TTC19: variants seen among roughly 807,000 people sequenced by gnomAD.
TTC19 encodes the protein tetratricopeptide repeat protein 19, mitochondrial.
A neutral mutation model predicts 49.5 loss-of-function variants in TTC19; 38 were observed. The ratio of observed to expected loss-of-function variants is 0.77; its 90% confidence interval spans 0.59 to 1.01. The LOEUF (loss-of-function observed/expected upper bound fraction) is 1.01. Ranked by LOEUF, TTC19 falls within the 50% of genes least tolerant of loss-of-function variation. The probability of loss-of-function intolerance (pLI) is 0.00; values close to 1 mark genes in which losing one functional copy is unlikely to be tolerated. For missense variants in TTC19, 475 were observed against 477.7 expected, an observed-to-expected ratio of 0.99 and a Z score of 0.05; for synonymous variants, 204 against 185.2, an observed-to-expected ratio of 1.10 and a Z score of -0.83.
At chr17:16,024,994 G>A in intron 7 of TTC19, 23 bp from the exon 8 acceptor site, 1 of 1,613,376 alleles carries the variant, frequency 6.2e-7, no homozygotes, top group Non-Finnish European at 8.5e-7. Flanking sequence ...GGGTAGATTT[G>A]CTGATTCCTC....
chr17:16,001,665 G>C (rs970749811), intron 2 of TTC19, among the ~76,000 whole-genome samples: 1 of 152,218 alleles, frequency 6.6e-6, no homozygotes, highest in Non-Finnish European at 1.5e-5. Context: ...TATGTTGTAA[G>C]ATCACATTCC....
chr17:16,010,853 A>G (rs995477490), intron 7 of TTC19, among the ~76,000 whole-genome samples: 3 of 152,188 alleles, frequency 2.0e-5, no homozygotes, highest in African/African-American at 7.2e-5. Flanking sequence ...TTCCTAGTTC[A>G]TTATTTTCAG....
At chr17:16,039,492 G>T (rs1283451096) in intron 2 of TTC19, 3 of 1,614,058 alleles carry the variant, frequency 1.9e-6, no homozygotes, top group Non-Finnish European at 1.7e-6. Context: ...CACAACTGAG[G>T]TGTTGGCAGT....
chr17:16,003,512 A>G (rs1362850740), intron 4 of TTC19, among the ~76,000 whole-genome samples: 4 of 152,056 alleles, frequency 2.6e-5, no homozygotes, highest in African/African-American at 9.7e-5. Context: ...TCTGTAATCA[A>G]AAAGATGGAG....
chr17:16,017,470 AG>A (rs1971250839), intron 7 of TTC19, among the ~76,000 whole-genome samples: 1 of 143,312 alleles, frequency 7.0e-6, no homozygotes, highest in Non-Finnish European at 1.5e-5. Flanking sequence ...AAAAAAAAAA[AG>A]TATTCAGGCT....
intron 7 of TTC19, among the ~76,000 whole-genome samples, chr17:16,020,111 A>C (rs959038957): frequency 3.9e-5 from 6 of 152,188 alleles, no homozygotes; most frequent in African/African-American, 1.2e-4. Flanking sequence ...TTTGTCTCAA[A>C]AACAACAACA....
At position 16,026,653 on chromosome 17, in the gene TTC19, T is replaced by A. The variant is rs1347204367; in HGVS notation, c.945T>A (p.Pro315=). 12 of 1,614,184 alleles carry A rather than the reference T, an allele frequency of 7.4e-6. No individual in the cohort carries two copies. The highest frequency in any genetic ancestry group is 1.0e-5 in the Non-Finnish European group (12 of 1,180,000). The change falls in exon 9 of 10, where the codon CCT becomes CCA. Residue 315 remains proline, a synonymous_variant. Coordinates refer to ENST00000261647, the MANE Select transcript of TTC19 (RefSeq NM_017775.4). The stretch of plus-strand genomic sequence containing the variant: ...ATCTGGCAAGACAGATAAATCATCC[T>A]GAGCTACACATGGTACTCAGTAATC... ...ASDLARQINH[P]ELHMVLSNLA...
chr17:16,002,701 T>C, intron 3 of TTC19, 92 bp from the exon 4 acceptor site: 1 of 1,233,292 alleles, frequency 8.1e-7, no homozygotes, highest in South Asian at 1.2e-5. Context: ...TTTTTAAATT[T>C]TGAGGGTGAA....
chr17:16,018,365 T>C (rs973818055), intron 7 of TTC19, among the ~76,000 whole-genome samples: 3 of 152,184 alleles, frequency 2.0e-5, no homozygotes, highest in African/African-American at 4.8e-5. Flanking sequence ...GTCATTTACC[T>C]GTATGTTGAC....
intron 8 of TTC19, among the ~76,000 whole-genome samples, chr17:16,025,382 C>T (rs780976534): frequency 6.6e-6 from 1 of 152,186 alleles, no homozygotes; most frequent in Non-Finnish European, 1.5e-5. Context: ...TAGGTCTGCC[C>T]AGAACTTTTT....
downstream of TTC19, among the ~76,000 whole-genome samples, chr17:16,032,858 T>G (rs562229812): frequency 6.6e-6 from 1 of 152,312 alleles, no homozygotes; most frequent in Non-Finnish European, 1.5e-5. Context: ...AGTATAGTTC[T>G]CAGACGACAA....
chr17:16,038,637 C>T (rs886329521), intron 2 of TTC19, among the ~76,000 whole-genome samples: 7 of 152,088 alleles, frequency 4.6e-5, no homozygotes, highest in Non-Finnish European at 8.8e-5. Context: ...GGGTTTTCAT[C>T]ATGTTGCCCA....
Position 16,001,988 on chromosome 17 carries a change from C to G in TTC19, c.386C>G (p.Thr129Ser). 2 of 1,613,206 alleles carry G rather than the reference C, an allele frequency of 1.2e-6. No individual in the cohort carries two copies. The change falls in exon 3 of 10, where the codon ACT becomes AGT. Residue 129 changes from threonine to serine, a missense_variant. Coordinates refer to ENST00000261647, the MANE Select transcript of TTC19 (RefSeq NM_017775.4). ...LHDALRLAYQ[T>S]DNKKAITYTY... ...GACGCTCTTCGTCTCGCCTATCAGACTGATAACAAGAAGGCCATCACTTAC... is the reference window on the plus strand; with the variant it reads ...GACGCTCTTCGTCTCGCCTATCAGAGTGATAACAAGAAGGCCATCACTTAC...
At chr17:16,005,952 G>A (rs1234797251) in intron 6 of TTC19, among the ~76,000 whole-genome samples, 1 of 152,092 alleles carries the variant, frequency 6.6e-6, no homozygotes, top group Non-Finnish European at 1.5e-5. Flanking sequence ...CTAGCTTTTT[G>A]TGTCCTAAGT....
rs1200198225 is a variant in TTC19, at chr17:16,028,788, T to C, written c.*1266T>C. The C allele has an allele frequency of 2.4e-6, 1 of 413,268 alleles. No individual in the cohort carries two copies. Among genetic ancestry groups the C allele is most frequent in the South Asian group, 1.7e-5 (1 of 60,514 alleles). The allele number at this position is 413,268 out of a possible 1,614,324, so 25.6% of individuals were successfully genotyped here. ...AATAAATGAGACTACACAACAATAT[T>C]GTATGTATCCCAGTAATCTTTGCAT... On this transcript the variant is annotated 3_prime_UTR_variant, in exon 10 of 10. Coordinates refer to ENST00000261647, the MANE Select transcript of TTC19 (RefSeq NM_017775.4).
rs139693104 is a variant in TTC19 at position 16,001,973 on chromosome 17, G to A, written c.371G>A (p.Arg124His). The change falls in exon 3 of 10, where the codon CGT becomes CAT. Residue 124 changes from arginine to histidine, a missense_variant. Physicochemically the swap from Arg to His is conservative, Grantham distance 29 (BLOSUM62 0). Coordinates refer to ENST00000261647, the MANE Select transcript of TTC19 (RefSeq NM_017775.4). ...GAGTTAATTTTGCATGACGCTCTTC[G>A]TCTCGCCTATCAGACTGATAACAAG... is the stretch of plus-strand genomic sequence containing the variant. Reference protein sequence around the residue: ...EAELILHDALRLAYQTDNKKA... With the variant: ...EAELILHDALHLAYQTDNKKA... 1.6e-5 allele frequency: 26 copies of A among 1,613,176 alleles called. No individual in the cohort carries two copies. Among genetic ancestry groups the A allele is most frequent in the Admixed American group, 1.0e-4 (6 of 59,996 alleles).
intron 7 of TTC19, among the ~76,000 whole-genome samples, chr17:16,019,382 A>G (rs1244688549): frequency 6.6e-6 from 1 of 152,224 alleles, no homozygotes; most frequent in Admixed American, 6.5e-5. Context: ...TTTAAACTTA[A>G]TATGAATGGT....
At chr17:16,007,209 A>T (rs1220388905) in intron 7 of TTC19, among the ~76,000 whole-genome samples, 2 of 152,172 alleles carry the variant, frequency 1.3e-5, no homozygotes, top group African/African-American at 4.8e-5. Context: ...GTCCCCCGTT[A>T]TCCATGGGGA....
At chr17:16,036,274 G>T (rs2056347643) in intron 2 of TTC19, among the ~76,000 whole-genome samples, 1 of 152,190 alleles carries the variant, frequency 6.6e-6, no homozygotes, top group South Asian at 2.1e-4. Flanking sequence ...CTAAGCAGTA[G>T]GTCTGAACAG....
Sources: allele counts gnomAD v4.1 joint callset (sites outside exome capture counted in the v4.1 genomes callset), GRCh38; gene constraint gnomAD v4.1.1; transcripts MANE v1.5; gene names NCBI Gene and HGNC (gene_info 2026-07-23, HGNC 2026-07-21).